RAI2: variants seen among roughly 807,000 people sequenced by gnomAD.
The protein encoded by RAI2 is retinoic acid induced 2, also known as retinoic acid-induced protein 2.
Under a neutral mutation model 15.3 loss-of-function variants are expected in RAI2, and 5 were observed. The ratio of observed to expected loss-of-function variants is 0.33; its 90% CI spans 0.17 to 0.69. RAI2 has a LOEUF of 0.69. Among genes scored for constraint, RAI2 ranks in the 30% least tolerant of loss-of-function variants. The pLI is 0.69. For synonymous variants in RAI2, 191 were observed against 184.0 expected (o/e 1.04, Z -0.31); for missense variants, 424 against 424.7 (o/e 1.00, Z 0.01).
chrX:17,815,984 GCTC>G (rs746096052), intron 1 of RAI2, among the ~76,000 whole-genome samples: 25 of 108,436 alleles, frequency 2.3e-4, no homozygotes, highest in Non-Finnish European at 3.1e-4. Context: ...GGCTTTGCTA[GCTC>G]CTCCTCCTCC....
At chrX:17,838,633 C>T (rs1313691466) in intron 1 of RAI2, among the ~76,000 whole-genome samples, 1 of 103,030 alleles carries the variant, frequency 9.7e-6, no homozygotes, top group African/African-American at 3.8e-5. Flanking sequence ...TAATCAGGAC[C>T]GCCTCAAACA....
At chrX:17,835,183 C>T (rs181095553) in intron 1 of RAI2, among the ~76,000 whole-genome samples, 4 of 112,143 alleles carry the variant, frequency 3.6e-5, no homozygotes, top group Admixed American at 9.4e-5. Flanking sequence ...AGTAACATAG[C>T]GAAGTCAGGA....
chrX:17,850,857 TG>T (rs1471578507), intron 1 of RAI2, among the ~76,000 whole-genome samples: 1 of 112,923 alleles, frequency 8.9e-6, no homozygotes, highest in Non-Finnish European at 1.9e-5. Flanking sequence ...CCAAGGACAG[TG>T]GGAAAGATCA....
chrX:17,848,566 A>G (rs931668796), intron 1 of RAI2, among the ~76,000 whole-genome samples: 2 of 110,406 alleles, frequency 1.8e-5, no homozygotes, highest in Non-Finnish European at 3.8e-5. Flanking sequence ...TGACATCACA[A>G]TCTCCTTCCA....
At chrX:17,814,934 CTAATAATAATAATAA>C (rs527628476) in intron 1 of RAI2, among the ~76,000 whole-genome samples, 9 of 106,247 alleles carry the variant, frequency 8.5e-5, no homozygotes, top group African/African-American at 3.1e-4. Context: ...TGCATGCTGC[CTAATAATAATAATAA>C]TAATAATAAT....
At chrX:17,838,470 G>A (rs2067360160) in intron 1 of RAI2, among the ~76,000 whole-genome samples, 1 of 111,600 alleles carries the variant, frequency 9.0e-6, no homozygotes, top group African/African-American at 3.3e-5. Context: ...TTAAGCCCTT[G>A]CCTAGAGCTT....
chrX:17,813,089 G>A (rs1300406190), intron 1 of RAI2, among the ~76,000 whole-genome samples: 2 of 111,492 alleles, frequency 1.8e-5, no homozygotes, highest in African/African-American at 6.5e-5. Flanking sequence ...TCTGAGTACT[G>A]CAAGTACTTA....
intron 1 of RAI2, among the ~76,000 whole-genome samples, chrX:17,830,779 G>C (rs778355834): frequency 1.8e-5 from 2 of 111,315 alleles, no homozygotes; most frequent in South Asian, 7.7e-4. Flanking sequence ...TCACAAGCTA[G>C]GCTAGAAAAA....
chrX:17,801,180 T>C lies in RAI2; in HGVS notation c.831A>G (p.Lys277=). 1 of 1,210,755 alleles carries C rather than the reference T, an allele frequency of 8.3e-7. No homozygotes were observed. The highest frequency in any genetic ancestry group is 1.7e-5 in the African/African-American group (1 of 57,518). The change falls in exon 2 of 2, where the codon AAA becomes AAG. Residue 277 remains lysine (K), a synonymous_variant. Transcript: ENST00000451717. ...PPSSFGLHPF[K]GTQTPLEKDE... ...CTTTTTCCAGAGGGGTCTGGGTGCC[T>C]TTAAAGGGGTGCAGGCCGAAGGAAG...
At chrX:17,802,909 G>A (rs2066933258) in intron 1 of RAI2, among the ~76,000 whole-genome samples, 1 of 111,811 alleles carries the variant, frequency 8.9e-6, no homozygotes, top group Admixed American at 9.4e-5. Flanking sequence ...TAGCGCGTGT[G>A]CTTCCTGGTG....
intron 1 of RAI2, among the ~76,000 whole-genome samples, chrX:17,859,167 C>G (rs1015790703): frequency 9.0e-6 from 1 of 111,426 alleles, no homozygotes; most frequent in African/African-American, 3.3e-5. Flanking sequence ...AGCCTCCATA[C>G]TGTCCCCTTC....
chrX:17,827,064 G>A (rs1471737888), intron 1 of RAI2, among the ~76,000 whole-genome samples: 1 of 112,856 alleles, frequency 8.9e-6, no homozygotes, highest in African/African-American at 3.2e-5. Context: ...TTGATGCAGA[G>A]TAAAGCAGCA....
At chrX:17,846,757 G>T (rs1242581383) in intron 1 of RAI2, among the ~76,000 whole-genome samples, 1 of 111,517 alleles carries the variant, frequency 9.0e-6, no homozygotes, top group Non-Finnish European at 1.9e-5. Context: ...ACCCACCAGG[G>T]GGCCCAAAAG....
intron 1 of RAI2, among the ~76,000 whole-genome samples, chrX:17,821,917 G>A (rs868083745): frequency 4.5e-5 from 5 of 110,595 alleles, no homozygotes; most frequent in African/African-American, 1.3e-4. Flanking sequence ...TTGAAATAGT[G>A]TTCTTCCAAG....
At chrX:17,838,231 A>G in intron 1 of RAI2, among the ~76,000 whole-genome samples, 1 of 112,464 alleles carries the variant, frequency 8.9e-6, no homozygotes, top group South Asian at 3.7e-4. Context: ...ACTGTATTCT[A>G]TTTTGATCTG....
chrX:17,843,336 T>A (rs756597399), intron 1 of RAI2, among the ~76,000 whole-genome samples: 1 of 111,459 alleles, frequency 9.0e-6, no homozygotes, highest in African/African-American at 3.3e-5. Flanking sequence ...TAAAACCCAG[T>A]TGAACACACC....
At chrX:17,825,639 C>A (rs2067217676) in intron 1 of RAI2, among the ~76,000 whole-genome samples, 1 of 112,526 alleles carries the variant, frequency 8.9e-6, no homozygotes, top group Admixed American at 9.4e-5. Flanking sequence ...ACTGGGAAAT[C>A]ATCAAGGGGG....
chrX:17,841,348 T>C (rs1474350006), intron 1 of RAI2, among the ~76,000 whole-genome samples: 1 of 112,105 alleles, frequency 8.9e-6, no homozygotes, highest in Non-Finnish European at 1.9e-5. Flanking sequence ...GTACCATGCA[T>C]ACATTGTCAC....
intron 1 of RAI2, among the ~76,000 whole-genome samples, chrX:17,811,568 G>T (rs1025516728): frequency 6.2e-5 from 7 of 112,381 alleles, no homozygotes; most frequent in African/African-American, 1.9e-4. Context: ...TTTTTGTTCT[G>T]GGAAAAAGAC....
Sources: allele counts gnomAD v4.1 joint callset (sites outside exome capture counted in the v4.1 genomes callset), GRCh38; gene constraint gnomAD v4.1.1; transcripts MANE v1.5; gene names NCBI Gene and HGNC (gene_info 2026-07-23, HGNC 2026-07-21).